The following VAV2 variants were observed in gnomAD, a reference collection of about 807,000 sequenced individuals.
VAV2 encodes vav guanine nucleotide exchange factor 2.
In VAV2, 67 loss-of-function variants were observed where a neutral mutation model predicts 132.5. The ratio of observed to expected loss-of-function variants is 0.51; its 90% CI spans 0.42 to 0.62. The LOEUF is 0.62. Ranked by LOEUF, VAV2 falls within the 20% of genes least tolerant of loss-of-function variation. VAV2 has a pLI of 0.00. For synonymous variants in VAV2, 492 were observed against 443.5 expected (o/e 1.11, Z -1.37); for missense variants, 938 against 1,153.6 (o/e 0.81, Z 2.71).
chr9:133,806,306 C>T (rs1305666445), intron 8 of VAV2, 125 bp from the exon 9 acceptor site: 4 of 800,670 alleles, frequency 5.0e-6, no homozygotes, highest in Non-Finnish European at 4.0e-6. Flanking sequence ...GGGTGCTGGG[C>T]CTGCACCCCA....
chr9:133,797,881 C>A (rs1834783927), intron 9 of VAV2, 72 bp from the exon 10 acceptor site: 2 of 1,440,620 alleles, frequency 1.4e-6, no homozygotes. Flanking sequence ...TGAGCCCGTC[C>A]ATTTTTCCCA....
rs141470949 is a variant in VAV2 at position 133,819,211 on chromosome 9, G to A, written c.450-6995C>T. On this transcript the variant is annotated intron_variant, in intron 4 of 29. Coordinates refer to ENST00000371850, the MANE Select transcript of VAV2 (RefSeq NM_001134398.2). ...TGTAATCCCAGCACTTTGGGAGGCCGAGGTGGGCGGATCACGAGGTCAGGA... is the reference window on the plus strand; with the variant it reads ...TGTAATCCCAGCACTTTGGGAGGCCAAGGTGGGCGGATCACGAGGTCAGGA... 5.7e-3 allele frequency among the ~76,000 whole-genome samples: 862 copies of A among 152,082 alleles called. 10 individuals carry two copies. The highest frequency in any genetic ancestry group is 0.019 in the African/African-American group (788 of 41,480).
At chr9:133,860,951 C>G (rs914703958) in intron 3 of VAV2, among the ~76,000 whole-genome samples, 2 of 152,150 alleles carry the variant, frequency 1.3e-5, no homozygotes, top group African/African-American at 4.8e-5. Flanking sequence ...TTGTCCAGTG[C>G]CCTGCACAGG....
chr9:133,982,942 G>A (rs551267103), intron 1 of VAV2, among the ~76,000 whole-genome samples: 2 of 152,328 alleles, frequency 1.3e-5, no homozygotes, highest in African/African-American at 4.8e-5. Flanking sequence ...GCGTAGTCGT[G>A]ACAGAGACCG....
chr9:133,797,907 G>T, intron 9 of VAV2, 98 bp from the exon 10 acceptor site: 1 of 1,037,142 alleles, frequency 9.6e-7, no homozygotes. Context: ...CTGTAGGTGC[G>T]CAACCAACAG....
chr9:133,816,890 A>G (rs1403569931), intron 4 of VAV2, among the ~76,000 whole-genome samples: 1 of 152,256 alleles, frequency 6.6e-6, no homozygotes, highest in African/African-American at 2.4e-5. Context: ...GTGTCTTGAT[A>G]CATTTCATAG....
At chr9:133,909,363 G>C (rs1453905860) in intron 2 of VAV2, among the ~76,000 whole-genome samples, 1 of 152,174 alleles carries the variant, frequency 6.6e-6, no homozygotes. Context: ...CTCAGTTCTC[G>C]CACTGCTAAC....
intron 2 of VAV2, among the ~76,000 whole-genome samples, chr9:133,898,127 G>A (rs950468332): frequency 1.3e-5 from 2 of 152,184 alleles, no homozygotes; most frequent in South Asian, 2.1e-4. Context: ...CCCTGAGGCT[G>A]GGAGGGACCT....
chr9:133,783,009 C>A (rs111790833), intron 19 of VAV2, among the ~76,000 whole-genome samples: 1,695 of 152,308 alleles, frequency 0.011, 31 homozygotes, highest in African/African-American at 0.038. Context: ...CCTAAATGGG[C>A]ATGAACAGAA....
At chr9:133,816,691 C>T (rs1835572189) in intron 4 of VAV2, among the ~76,000 whole-genome samples, 1 of 152,176 alleles carries the variant, frequency 6.6e-6, no homozygotes. Flanking sequence ...TATGATCGTG[C>T]CACTGCACTC....
At chr9:133,837,764 G>A (rs767166128) in intron 3 of VAV2, among the ~76,000 whole-genome samples, 57 of 150,880 alleles carry the variant, frequency 3.8e-4, no homozygotes, top group African/African-American at 1.1e-3. Context: ...TATGATTGTC[G>A]TAATTTTCCC....
At chr9:133,852,406 G>T (rs902166347) in intron 3 of VAV2, among the ~76,000 whole-genome samples, 3 of 151,896 alleles carry the variant, frequency 2.0e-5, no homozygotes, top group African/African-American at 7.3e-5. Flanking sequence ...GCAGAAGGGT[G>T]GGGGGAGTGC....
Position 133,935,832 on chromosome 9 carries a change from T to C in VAV2, c.321+3271A>G, listed in dbSNP as rs184265980. Reference sequence around the variant, plus strand: ...GGCCAGGCCCACGCTGAAGGGCAAGTGCGGGTTCCGGCTCCATTGCTCCCA... The same window carrying C: ...GGCCAGGCCCACGCTGAAGGGCAAGCGCGGGTTCCGGCTCCATTGCTCCCA... On this transcript the variant is annotated intron_variant, in intron 2 of 29. Coordinates refer to ENST00000371850, the MANE Select transcript of VAV2 (RefSeq NM_001134398.2). The surrounding 1 kb of genome is among the most constrained non-coding windows in gnomAD (Gnocchi z 5.2). 5.3e-4 allele frequency among the ~76,000 whole-genome samples: 80 copies of C among 152,054 alleles called. No individual in the cohort carries two copies. In the East Asian group the frequency reaches 0.013, roughly 25 times the overall value.
intron 3 of VAV2, among the ~76,000 whole-genome samples, chr9:133,851,909 GTGGATGGA>G (rs58259577): frequency 0.032 from 4,480 of 140,816 alleles, 158 homozygotes; most frequent in African/African-American, 0.084. Flanking sequence ...GGATGGATGG[GTGGATGGA>G]TGGATGGATG....
intron 2 of VAV2, among the ~76,000 whole-genome samples, chr9:133,923,186 G>A (rs940350950): frequency 2.0e-5 from 3 of 152,202 alleles, no homozygotes; most frequent in Non-Finnish European, 2.9e-5. Context: ...CAAACAAAAA[G>A]ACACGTGTTG....
rs1224255396 is a variant in VAV2, at chr9:133,940,656, CCT to C, written c.205-1439_205-1438del. ...GACTCATCTGTTTTATCCTAGAGTC[CCT>C]CTCTGTCCACGTGCGTGTGTGTGTG... is the stretch of plus-strand genomic sequence containing the variant. On this transcript the variant is annotated intron_variant, in intron 1 of 29. Transcript: ENST00000371850. Among the ~76,000 whole-genome samples the C allele has an allele frequency of 1.3e-4, 17 of 132,866 alleles. 1 individual carries two copies. The East Asian group carries it at 3.0e-3, about 23-fold the overall frequency. The allele number at this position is 132,866 out of a possible 152,430, so 87.2% of individuals were successfully genotyped here. A position where few individuals can be genotyped will look rare whatever the true frequency, so the allele number is the denominator to read the frequency against.
At chr9:133,966,785 AG>A (rs1249212799) in intron 1 of VAV2, among the ~76,000 whole-genome samples, 27 of 152,204 alleles carry the variant, frequency 1.8e-4, no homozygotes, top group African/African-American at 6.0e-4. Flanking sequence ...CTGTAATCCC[AG>A]CACTCTGGGA....
chr9:133,913,764 G>T (rs774117511), intron 2 of VAV2, among the ~76,000 whole-genome samples: 11 of 152,256 alleles, frequency 7.2e-5, no homozygotes, highest in Admixed American at 2.0e-4. Flanking sequence ...ACCGCGCCCA[G>T]GTCAGTGAGC....
At chr9:133,783,474 T>A in intron 19 of VAV2, 29 bp downstream of exon 19, 1 of 1,480,278 alleles carries the variant, frequency 6.8e-7, no homozygotes, top group African/African-American at 2.2e-5. Context: ...GGCCAGGGAC[T>A]GGGGTGGGGG....
Sources: gnomAD v4.1 joint callset for allele counts (sites outside exome capture counted in the v4.1 genomes callset) on GRCh38, gnomAD v4.1.1 for gene constraint, Gnocchi (gnomAD v3.1) non-coding constraint, MANE v1.5 for transcripts, NCBI Gene and HGNC (gene_info 2026-07-23, HGNC 2026-07-21) for gene names.